The following SPMIP5 variants were observed in gnomAD, a reference collection of about 807,000 sequenced individuals.
SPMIP5 encodes the protein sperm microtubule inner protein 5.
chr10:116,664,839 A>C, the SPMIP5 span: 1 of 1,614,028 alleles, frequency 6.2e-7, no homozygotes, highest in Non-Finnish European at 8.5e-7. Flanking sequence ...TTTGGCCATG[A>C]CAGTGTATCT....
the SPMIP5 span, chr10:116,664,871 G>A: frequency 1.8e-4 from 288 of 1,614,030 alleles, no homozygotes; most frequent in Non-Finnish European, 2.4e-4. Context: ...CAAATTCAGT[G>A]ACCTTGGCTC....
At chr10:116,670,124 C>G in the SPMIP5 span, 2 of 152,318 alleles carry the variant, frequency 1.3e-5, no homozygotes, top group African/African-American at 4.8e-5. Flanking sequence ...CAGCCCGGAC[C>G]CCGGTGTAAA....
chr10:116,663,969 A>G, the SPMIP5 span: 6 of 1,539,612 alleles, frequency 3.9e-6, no homozygotes, highest in Non-Finnish European at 5.2e-6. Context: ...TGCATGGTAT[A>G]CTTGGCCTCT....
At chr10:116,668,409 G>T in the SPMIP5 span, 2 of 1,132,508 alleles carry the variant, frequency 1.8e-6, no homozygotes, top group Non-Finnish European at 2.7e-6. Flanking sequence ...ACAAGCTCTT[G>T]GGAGTGGAAG....
the SPMIP5 span, chr10:116,663,549 T>C: frequency 5.0e-6 from 1 of 200,714 alleles, no homozygotes; most frequent in Non-Finnish European, 1.0e-5. Context: ...GTCAGGAACA[T>C]GCCAGGACCC....
chr10:116,664,536 A>G, the SPMIP5 span: 1 of 970,600 alleles, frequency 1.0e-6, no homozygotes, highest in Non-Finnish European at 1.4e-6. Flanking sequence ...GCAAACCAGC[A>G]AAGACCACAG....
chr10:116,665,741 CTG>C, the SPMIP5 span: 10 of 1,614,194 alleles, frequency 6.2e-6, no homozygotes, highest in African/African-American at 1.3e-5. Context: ...CTTTATAGCG[CTG>C]TGTTTTCTCC....
the SPMIP5 span, chr10:116,665,896 C>T: frequency 7.3e-7 from 1 of 1,364,456 alleles, no homozygotes. Context: ...CCCGCCTAAA[C>T]TCCCCAGCAT....
At chr10:116,668,245 C>T in the SPMIP5 span, 61 of 1,611,752 alleles carry the variant, frequency 3.8e-5, no homozygotes, top group Non-Finnish European at 4.6e-5. Context: ...CTGCAGGGTA[C>T]GTCCACACTT....
At chr10:116,665,816 T>C in the SPMIP5 span, 1 of 1,610,618 alleles carries the variant, frequency 6.2e-7, no homozygotes, top group Non-Finnish European at 8.5e-7. Context: ...AGCTGAGGAA[T>C]GGCACAAAGC....
the SPMIP5 span, among the ~76,000 whole-genome samples, chr10:116,662,971 A>T: frequency 6.6e-6 from 1 of 152,080 alleles, no homozygotes; most frequent in African/African-American, 2.4e-5. Context: ...TCACGAGGTC[A>T]GGAGATCAAG....
the SPMIP5 span, among the ~76,000 whole-genome samples, chr10:116,667,821 T>C: frequency 1.3e-5 from 2 of 152,160 alleles, no homozygotes; most frequent in Non-Finnish European, 2.9e-5. Context: ...CAGTCCCAGG[T>C]AGACCAGGGC....
the SPMIP5 span, among the ~76,000 whole-genome samples, chr10:116,666,480 T>A: frequency 6.6e-6 from 1 of 150,672 alleles, no homozygotes; most frequent in Non-Finnish European, 1.5e-5. Context: ...GAAGAACAAA[T>A]GAGGAAAACT....
the SPMIP5 span, chr10:116,665,134 T>C: frequency 7.3e-7 from 1 of 1,370,312 alleles, no homozygotes; most frequent in South Asian, 1.7e-5. Context: ...CTGTGGCTCA[T>C]GCCTGTAATC....
At chr10:116,664,559 G>A in the SPMIP5 span, 1 of 1,063,902 alleles carries the variant, frequency 9.4e-7, no homozygotes, top group East Asian at 2.8e-5. Context: ...AGAGCTGCTG[G>A]GGAATGCTGA....
the SPMIP5 span, chr10:116,665,469 T>A: frequency 1.6e-6 from 1 of 607,528 alleles, no homozygotes; most frequent in Non-Finnish European, 2.8e-6. Flanking sequence ...TTTTAAGAAA[T>A]GGAGCCTTTG....
the SPMIP5 span, among the ~76,000 whole-genome samples, chr10:116,666,873 G>A: frequency 5.4e-4 from 82 of 152,282 alleles, no homozygotes; most frequent in African/African-American, 1.9e-3. Flanking sequence ...ATCGAGTCTC[G>A]CTAAGGACCA....
At chr10:116,664,069 CGTGT>C in the SPMIP5 span, 1 of 1,608,860 alleles carries the variant, frequency 6.2e-7, no homozygotes, top group Non-Finnish European at 8.5e-7. Flanking sequence ...AGGAACCGTC[CGTGT>C]GAGTTGCAGG....
the SPMIP5 span, chr10:116,665,879 T>C: frequency 6.7e-7 from 1 of 1,499,644 alleles, no homozygotes; most frequent in Non-Finnish European, 9.1e-7. Flanking sequence ...CAGCAAGGAA[T>C]TCAGAGCCCG....
Sources: gnomAD v4.1 joint callset for allele counts (sites outside exome capture counted in the v4.1 genomes callset) on GRCh38, gnomAD v4.1.1 for gene constraint, MANE v1.5 for transcripts, NCBI Gene and HGNC (gene_info 2026-07-23, HGNC 2026-07-21) for gene names.